Variants in CADPS observed in about 807,000 individuals in gnomAD.
CADPS encodes calcium-dependent secretion activator 1.
CADPS carries 57 observed loss-of-function variants against 167.3 expected under a neutral mutation model. The observed-to-expected ratio is 0.34, with a 90% CI of 0.28 to 0.42. The LOEUF is 0.42. Ranked by LOEUF, CADPS falls within the 20% of genes least tolerant of loss-of-function variation. The pLI is 1.00. For synonymous variants in CADPS, 676 were observed against 635.3 expected, an observed-to-expected ratio of 1.06 and a Z score of -0.96; for missense variants, 1,414 against 1,738.1, an observed-to-expected ratio of 0.81 and a Z score of 3.32.
At chr3:62,400,378 T>C (rs1284574663) in intron 29 of CADPS, among the ~76,000 whole-genome samples, 3 of 152,174 alleles carry the variant, frequency 2.0e-5, no homozygotes, top group African/African-American at 2.4e-5. Flanking sequence ...TCAGTGTTAA[T>C]TGAATATGAC....
intron 3 of CADPS, among the ~76,000 whole-genome samples, chr3:62,739,016 G>T (rs746356794): frequency 6.6e-6 from 1 of 152,136 alleles, no homozygotes; most frequent in African/African-American, 2.4e-5. Flanking sequence ...TGATTATAAC[G>T]ACACCTTTTG....
In CADPS at chr3:62,608,679, T is replaced by C. The variant is rs576767370; in HGVS notation, c.1326-15931A>G. 7.9e-5 allele frequency among the ~76,000 whole-genome samples: 12 copies of C among 152,320 alleles called. No individual in the cohort carries two copies. In the South Asian group the frequency reaches 2.5e-3, roughly 32 times the overall value. The stretch of plus-strand genomic sequence containing the variant: ...GATTTTATAGTTATCTTTATATATT[T>C]TGGAGTTTATACAGTTCCTTTTAAA... On this transcript the variant is annotated intron_variant, in intron 6 of 29. Coordinates refer to ENST00000383710, the MANE Select transcript of CADPS (RefSeq NM_003716.4).
intron 3 of CADPS, among the ~76,000 whole-genome samples, chr3:62,709,475 T>C (rs1383722390): frequency 2.6e-5 from 4 of 152,184 alleles, no homozygotes; most frequent in African/African-American, 9.7e-5. Context: ...CTTTAGTACA[T>C]ACCCTTATTG....
chr3:62,604,059 T>C (rs921658939), intron 6 of CADPS, among the ~76,000 whole-genome samples: 1 of 152,030 alleles, frequency 6.6e-6, no homozygotes, highest in Non-Finnish European at 1.5e-5. Flanking sequence ...CTCGATCTCC[T>C]GACCTCGTGA....
chr3:62,733,236 T>C (rs1462685743), intron 3 of CADPS, among the ~76,000 whole-genome samples: 1 of 152,120 alleles, frequency 6.6e-6, no homozygotes, highest in African/African-American at 2.4e-5. Flanking sequence ...GGAGAGAAAA[T>C]GATTGAAATG....
intron 3 of CADPS, among the ~76,000 whole-genome samples, chr3:62,672,742 G>T (rs1346399004): frequency 6.6e-6 from 1 of 152,104 alleles, no homozygotes; most frequent in Non-Finnish European, 1.5e-5. Context: ...TTCCACCACA[G>T]CCTCCTGACT....
chr3:62,680,382 C>G (rs1270342974), intron 3 of CADPS, among the ~76,000 whole-genome samples: 1 of 152,044 alleles, frequency 6.6e-6, no homozygotes, highest in Admixed American at 6.6e-5. Context: ...CCCAAGCTGT[C>G]CTCAAGCAGA....
chr3:62,415,792 C>T (rs1035973237), intron 28 of CADPS, among the ~76,000 whole-genome samples: 6 of 152,196 alleles, frequency 3.9e-5, no homozygotes, highest in East Asian at 1.9e-4. Context: ...GCAATAGGCA[C>T]GGAGTGATTA....
chr3:62,725,262 G>C (rs909539100), intron 3 of CADPS, among the ~76,000 whole-genome samples: 1 of 152,246 alleles, frequency 6.6e-6, no homozygotes, highest in Non-Finnish European at 1.5e-5. Context: ...GTGAGCATCT[G>C]AAATGTGGCC....
intron 6 of CADPS, among the ~76,000 whole-genome samples, chr3:62,615,144 A>G (rs1314194787): frequency 6.6e-6 from 1 of 152,170 alleles, no homozygotes; most frequent in Non-Finnish European, 1.5e-5. Context: ...TGGATGTGGT[A>G]TTGAAAGAGA....
At chr3:62,788,050 T>A (rs1295672310) in intron 1 of CADPS, among the ~76,000 whole-genome samples, 1 of 152,192 alleles carries the variant, frequency 6.6e-6, no homozygotes, top group Non-Finnish European at 1.5e-5. Context: ...AATGTCATAC[T>A]TATTTTGGCA....
chr3:62,501,448 A>G (rs2065753955), intron 17 of CADPS, among the ~76,000 whole-genome samples: 1 of 152,138 alleles, frequency 6.6e-6, no homozygotes, highest in African/African-American at 2.4e-5. Context: ...GTTCGTTGAT[A>G]TTCACATTTA....
intron 13 of CADPS, among the ~76,000 whole-genome samples, chr3:62,528,740 C>T (rs1161068270): frequency 6.6e-6 from 1 of 152,140 alleles, no homozygotes; most frequent in South Asian, 2.1e-4. Flanking sequence ...TGATGTAGTG[C>T]AAAAGGAAAG....
At chr3:62,857,530 G>A (rs2079943543) in intron 1 of CADPS, among the ~76,000 whole-genome samples, 1 of 151,986 alleles carries the variant, frequency 6.6e-6, no homozygotes. Context: ...TTGCTACAAA[G>A]TCATTTAGAA....
chr3:62,588,653 TC>T (rs1400479207), intron 7 of CADPS, among the ~76,000 whole-genome samples: 4 of 152,170 alleles, frequency 2.6e-5, no homozygotes, highest in African/African-American at 9.7e-5. Context: ...ATAAATAAAT[TC>T]AAGGCTATTC....
At chr3:62,797,904 T>C (rs982490047) in intron 1 of CADPS, among the ~76,000 whole-genome samples, 1 of 152,158 alleles carries the variant, frequency 6.6e-6, no homozygotes, top group Non-Finnish European at 1.5e-5. Context: ...ATGTAACATA[T>C]ATATTTTTTA....
intron 10 of CADPS, among the ~76,000 whole-genome samples, chr3:62,552,285 G>A (rs993374621): frequency 1.3e-5 from 2 of 151,138 alleles, no homozygotes; most frequent in African/African-American, 2.4e-5. Context: ...GTTAAATGAC[G>A]AGTTAATGGG....
At chr3:62,551,514 C>A (rs1412286482) in intron 10 of CADPS, among the ~76,000 whole-genome samples, 1 of 152,150 alleles carries the variant, frequency 6.6e-6, no homozygotes, top group African/African-American at 2.4e-5. Context: ...CAGCCAGAGT[C>A]CCTGATTTAG....
intron 11 of CADPS, among the ~76,000 whole-genome samples, chr3:62,542,158 CT>C (rs1239663349): frequency 6.6e-6 from 1 of 152,048 alleles, no homozygotes; most frequent in Admixed American, 6.6e-5. Context: ...TCATGAATCC[CT>C]TTTGTAATAA....
Sources: allele counts gnomAD v4.1 joint callset (sites outside exome capture counted in the v4.1 genomes callset), GRCh38; gene constraint gnomAD v4.1.1; transcripts MANE v1.5; gene names NCBI Gene and HGNC (gene_info 2026-07-23, HGNC 2026-07-21).